The following DOK6 variants were observed in gnomAD, a reference collection of about 807,000 sequenced individuals.
DOK6 encodes downstream of tyrosine kinase 6.
A neutral mutation model predicts 44.0 loss-of-function variants in DOK6; 22 were observed. That is an observed-to-expected ratio of 0.50 (90% CI 0.36 to 0.71). The LOEUF is 0.71. Ranked by LOEUF, DOK6 falls within the 30% of genes least tolerant of loss-of-function variation. The pLI is 0.00. For missense variants in DOK6, 340 were observed against 416.4 expected (o/e 0.82, Z 1.60); for synonymous variants, 166 against 145.5 (o/e 1.14, Z -1.01).
At chr18:69,405,403 C>A (rs552397059) in intron 1 of DOK6, among the ~76,000 whole-genome samples, 2 of 152,098 alleles carry the variant, frequency 1.3e-5, no homozygotes, top group East Asian at 3.9e-4. Flanking sequence ...CATGGTGAAA[C>A]CCCATCTCTA....
In DOK6 at chr18:69,420,871, A is replaced by T. The variant is rs548297031; in HGVS notation, c.66+19561A>T. ...CCCTTTTTCTATATAATCTACAGTA[A>T]TTCTAAGGCTCCTATTTTATATAGT... On this transcript the variant is annotated intron_variant, in intron 1 of 7. Coordinates refer to ENST00000382713, the MANE Select transcript of DOK6 (RefSeq NM_152721.6). Among the ~76,000 whole-genome samples the T allele has an allele frequency of 2.6e-5, 4 of 152,252 alleles. No individual in the cohort carries two copies. The East Asian group carries it at 7.7e-4, about 29-fold the overall frequency.
rs1439459155 is a variant in DOK6 at position 69,401,012 on chromosome 18, G to A, written c.-233G>A. On this transcript the variant is annotated 5_prime_UTR_variant, in exon 1 of 8. Transcript: ENST00000382713. ...CTCGCGGCGGGGAGCGAAGGTGAGCGCCAGAACGCGGAGGGCTGGCGCGGC... is the reference window on the plus strand; with the variant it reads ...CTCGCGGCGGGGAGCGAAGGTGAGCACCAGAACGCGGAGGGCTGGCGCGGC... 6.2e-6 allele frequency: 1 copy of A among 161,360 alleles called. No individual in the cohort carries two copies. Among genetic ancestry groups the A allele is most frequent in the African/African-American group, 2.4e-5 (1 of 41,352 alleles). The allele number at this position is 161,360 out of a possible 1,614,324, so 10.0% of individuals were successfully genotyped here. A position where few individuals can be genotyped will look rare whatever the true frequency, so the allele number is the denominator to read the frequency against.
intron 7 of DOK6, chr18:69,832,489 T>C (rs1981929049): frequency 6.6e-6 from 1 of 151,838 alleles, no homozygotes. Flanking sequence ...TGTAGTTTTC[T>C]CTTTTTTTCT....
At chr18:69,772,324 A>G (rs766701337) in intron 7 of DOK6, among the ~76,000 whole-genome samples, 2 of 152,060 alleles carry the variant, frequency 1.3e-5, no homozygotes, top group Non-Finnish European at 2.9e-5. Context: ...CAATCCCCAA[A>G]AAAATCCCAA....
intron 7 of DOK6, among the ~76,000 whole-genome samples, chr18:69,803,150 C>T (rs1209965609): frequency 2.6e-5 from 4 of 152,016 alleles, no homozygotes; most frequent in Non-Finnish European, 5.9e-5. Context: ...TTTCACCTAA[C>T]ACTTTGCAGA....
intron 1 of DOK6, among the ~76,000 whole-genome samples, chr18:69,507,125 T>C: frequency 6.6e-6 from 1 of 152,030 alleles, no homozygotes; most frequent in East Asian, 1.9e-4. Flanking sequence ...CCTCCCGGGT[T>C]CAAGCAATTC....
intron 7 of DOK6, among the ~76,000 whole-genome samples, chr18:69,764,392 T>C (rs1326429816): frequency 1.3e-5 from 2 of 151,844 alleles, no homozygotes; most frequent in Non-Finnish European, 2.9e-5. Flanking sequence ...TAATCTGAAT[T>C]GTAATCCCCA....
chr18:69,765,054 A>G (rs1979676717), intron 7 of DOK6, among the ~76,000 whole-genome samples: 1 of 152,224 alleles, frequency 6.6e-6, no homozygotes, highest in African/African-American at 2.4e-5. Context: ...TAACCTTCAG[A>G]AAATGGTAAA....
At chr18:69,464,983 C>A (rs1009956912) in intron 1 of DOK6, among the ~76,000 whole-genome samples, 3 of 152,168 alleles carry the variant, frequency 2.0e-5, no homozygotes, top group Non-Finnish European at 4.4e-5. Context: ...AGCATCTTTA[C>A]ATATTGTAAT....
chr18:69,584,201 T>C (rs1983444192), intron 2 of DOK6, among the ~76,000 whole-genome samples: 1 of 152,086 alleles, frequency 6.6e-6, no homozygotes, highest in Non-Finnish European at 1.5e-5. Flanking sequence ...TTTAGTAAAG[T>C]TATCACCATA....
chr18:69,472,608 G>C (rs903108528), intron 1 of DOK6, among the ~76,000 whole-genome samples: 1 of 152,056 alleles, frequency 6.6e-6, no homozygotes, highest in African/African-American at 2.4e-5. Context: ...ACTATTTCTA[G>C]AATCTTTTTA....
At chr18:69,622,118 A>G (rs1485558124) in intron 3 of DOK6, among the ~76,000 whole-genome samples, 1 of 152,176 alleles carries the variant, frequency 6.6e-6, no homozygotes, top group East Asian at 1.9e-4. Flanking sequence ...ATGCTGTGCT[A>G]AGAAAGACCA....
intron 6 of DOK6, among the ~76,000 whole-genome samples, chr18:69,751,685 C>T (rs1181214953): frequency 6.6e-6 from 1 of 151,952 alleles, no homozygotes; most frequent in Non-Finnish European, 1.5e-5. Context: ...TTCTCTACTA[C>T]AAAACATTAA....
intron 3 of DOK6, among the ~76,000 whole-genome samples, chr18:69,674,063 G>A (rs1373258851): frequency 6.6e-6 from 1 of 151,782 alleles, no homozygotes; most frequent in African/African-American, 2.4e-5. Context: ...AAAAATGAAA[G>A]GTGAAAGATA....
In DOK6 at chr18:69,564,520, G is replaced by C. The variant is rs1442925285; in HGVS notation, c.100G>C (p.Ala34Pro). The change falls in exon 2 of 8, where the codon GCT becomes CCT. Residue 34 changes from alanine (A) to proline (P), a missense_variant. This residue lies in a region of DOK6 where 206 missense variants were observed against 258.6 expected (regional missense o/e 0.80). Transcript: ENST00000382713. ...ACGATGCTGGTTGGTTTTCAAGAAG[G>C]CTTCTAGCAAAGGACCCAGAAGGTT... ...FRRCWLVFKK[A>P]SSKGPRRLEK... 3 of 1,613,806 alleles carry C rather than the reference G, an allele frequency of 1.9e-6. No individual in the cohort carries two copies. Among genetic ancestry groups the C allele is most frequent in the East Asian group, 2.2e-5 (1 of 44,870 alleles).
At chr18:69,670,726 T>A (rs1209160567) in intron 3 of DOK6, among the ~76,000 whole-genome samples, 3 of 152,046 alleles carry the variant, frequency 2.0e-5, no homozygotes, top group African/African-American at 7.2e-5. Context: ...GCTAGGATGG[T>A]CTCAATCTCT....
At chr18:69,746,319 T>C (rs774886529) in intron 6 of DOK6, among the ~76,000 whole-genome samples, 1 of 152,116 alleles carries the variant, frequency 6.6e-6, no homozygotes, top group Non-Finnish European at 1.5e-5. Flanking sequence ...CAGGATGGAG[T>C]GCAGTGACAT....
At chr18:69,793,530 C>T (rs1980659219) in intron 7 of DOK6, among the ~76,000 whole-genome samples, 1 of 152,102 alleles carries the variant, frequency 6.6e-6, no homozygotes, top group African/African-American at 2.4e-5. Flanking sequence ...TGCATTGACA[C>T]CTATATCACA....
rs899735009 is a variant in DOK6, at chr18:69,472,904, G to T, written c.66+71594G>T. ...AAACATAGGTCATTCATATCATGTTGTTGTATGTTTCGTTCTTATCCATGT... is the reference window on the plus strand; with the variant it reads ...AAACATAGGTCATTCATATCATGTTTTTGTATGTTTCGTTCTTATCCATGT... On this transcript the variant is annotated intron_variant, in intron 1 of 7. Coordinates refer to ENST00000382713, the MANE Select transcript of DOK6 (RefSeq NM_152721.6). Among the ~76,000 whole-genome samples the T allele has an allele frequency of 2.2e-4, 33 of 152,228 alleles. 1 individual carries two copies. Among genetic ancestry groups the T allele is most frequent in the Admixed American group, 2.2e-3 (33 of 15,288 alleles).
Sources: allele counts gnomAD v4.1 joint callset (sites outside exome capture counted in the v4.1 genomes callset), GRCh38; gene constraint gnomAD v4.1.1; regional missense constraint gnomAD v4.1.1; transcripts MANE v1.5; gene names NCBI Gene and HGNC (gene_info 2026-07-23, HGNC 2026-07-21).